The following RMND1 variants were observed in gnomAD, a reference collection of about 807,000 sequenced individuals.
RMND1 encodes the protein required for meiotic nuclear division 1 homolog, also known as required for meiotic nuclear division protein 1 homolog.
A neutral mutation model predicts 54.0 loss-of-function variants in RMND1; 41 were observed. That is an observed-to-expected ratio of 0.76 (90% CI 0.59 to 0.98). The LOEUF (loss-of-function observed/expected upper bound fraction) is 0.98. RMND1 is among the 50% of genes least tolerant of loss of function. The pLI, the probability that RMND1 is intolerant of heterozygous loss-of-function variation, is 0.00. For synonymous variants in RMND1, 183 were observed against 181.7 expected (o/e 1.01, Z -0.06); for missense variants, 457 against 532.0 (o/e 0.86, Z 1.39).
At chr6:151,440,004 G>C (rs1489249468) in intron 2 of RMND1, among the ~76,000 whole-genome samples, 2 of 151,876 alleles carry the variant, frequency 1.3e-5, no homozygotes, top group East Asian at 1.9e-4. Context: ...TCGCCCAGGC[G>C]TGAGGGCAGT....
At chr6:151,416,141 G>A (rs529852287) in intron 10 of RMND1, among the ~76,000 whole-genome samples, 79 of 151,846 alleles carry the variant, frequency 5.2e-4, no homozygotes, top group Non-Finnish European at 8.8e-4. Context: ...ACCACACCCA[G>A]CTAATTTTTG....
chr6:151,416,398 T>C (rs371033061), intron 10 of RMND1, among the ~76,000 whole-genome samples: 1 of 149,978 alleles, frequency 6.7e-6, no homozygotes, highest in African/African-American at 2.4e-5. Context: ...TTTCCCCATG[T>C]GGTCTACCTC....
chr6:151,432,849 A>C (rs1780486046), intron 4 of RMND1, among the ~76,000 whole-genome samples: 1 of 152,132 alleles, frequency 6.6e-6, no homozygotes, highest in Non-Finnish European at 1.5e-5. Context: ...AGGGGCACTA[A>C]AGATGAATGG....
intron 1 of RMND1, among the ~76,000 whole-genome samples, chr6:151,450,787 A>G (rs896083642): frequency 2.6e-5 from 4 of 152,132 alleles, no homozygotes; most frequent in African/African-American, 7.2e-5. Flanking sequence ...AAAGATTGAG[A>G]AATCGGATGG....
chr6:151,415,075 TTAGAAGA>T (rs1779962111), intron 10 of RMND1, among the ~76,000 whole-genome samples: 1 of 151,268 alleles, frequency 6.6e-6, no homozygotes, highest in Non-Finnish European at 1.5e-5. Flanking sequence ...AAAAGAAATC[TTAGAAGA>T]TCAGAAGGAG....
intron 6 of RMND1, among the ~76,000 whole-genome samples, chr6:151,425,294 C>G (rs1466967119): frequency 1.3e-5 from 2 of 152,038 alleles, no homozygotes; most frequent in Admixed American, 1.3e-4. Flanking sequence ...TGAGCAGATC[C>G]CTGGAATCAT....
rs931420651 is a variant in RMND1, at chr6:151,450,770, G to T, written c.-15+1246C>A. 2.6e-5 allele frequency among the ~76,000 whole-genome samples: 4 copies of T among 151,576 alleles called. No individual in the cohort carries two copies. The East Asian group carries it at 5.9e-4, about 22-fold the overall frequency. The stretch of plus-strand genomic sequence containing the variant: ...TTTGTGTAATAGAAAGGGGGGAAAG[G>T]GGGGGAAAAGATTGAGAAATCGGAT... On this transcript the variant is annotated intron_variant, in intron 1 of 11. Coordinates refer to ENST00000444024, the MANE Select transcript of RMND1 (RefSeq NM_017909.4).
chr6:151,433,346 G>T, intron 3 of RMND1, 116 bp from the exon 4 acceptor site: 1 of 571,974 alleles, frequency 1.7e-6, no homozygotes, highest in Non-Finnish European at 3.0e-6. Context: ...ACCATGGAGT[G>T]CTCTGTAACA....
In RMND1 at chr6:151,434,172, T is replaced by C. The variant is rs75426021; in HGVS notation, c.614-942A>G. 2.1e-3 allele frequency among the ~76,000 whole-genome samples: 324 copies of C among 152,316 alleles called. 2 individuals carry two copies. The highest frequency in any genetic ancestry group is 7.4e-3 in the African/African-American group (306 of 41,556). On this transcript the variant is annotated intron_variant, in intron 3 of 11. Coordinates refer to ENST00000444024, the MANE Select transcript of RMND1 (RefSeq NM_017909.4). ...AGTATTGTTAAAACATATACTAATA[T>C]ACCAATATTCATCATAAGAAGTTGC...
At chr6:151,428,919 T>C (rs772599130) in intron 5 of RMND1, among the ~76,000 whole-genome samples, 24 of 152,162 alleles carry the variant, frequency 1.6e-4, no homozygotes, top group Non-Finnish European at 3.2e-4. Flanking sequence ...TCTTAAGAAA[T>C]GGGGTTTATC....
At chr6:151,430,895 C>T (rs542867573) in intron 4 of RMND1, among the ~76,000 whole-genome samples, 7 of 149,962 alleles carry the variant, frequency 4.7e-5, no homozygotes, top group African/African-American at 1.0e-4. Flanking sequence ...AATGGCTCCA[C>T]GTTATTCTTG....
At chr6:151,417,597 TCTC>T (rs917408882) in intron 9 of RMND1, among the ~76,000 whole-genome samples, 198 bp from the exon 10 acceptor site, 4 of 152,020 alleles carry the variant, frequency 2.6e-5, no homozygotes, top group African/African-American at 7.2e-5. Flanking sequence ...CTCAAGCTGT[TCTC>T]CTGCCTCAGC....
In RMND1 at chr6:151,438,811, CA is replaced by C. The variant is rs202017877; in HGVS notation, c.505-2258del. ...TGTGTACTACTTTTTTTTTTTTTTCCAAAAAAAACCCAAAAACCTTGGCAAG... is the reference window on the plus strand; with the variant it reads ...TGTGTACTACTTTTTTTTTTTTTTCCAAAAAAACCCAAAAACCTTGGCAAG... On this transcript the variant is annotated intron_variant, in intron 2 of 11. Transcript: ENST00000444024. Among the ~76,000 whole-genome samples the C allele has an allele frequency of 7.9e-3, 1,169 of 147,842 alleles. 17 individuals are homozygous for C. Among genetic ancestry groups the C allele is most frequent in the African/African-American group, 0.028 (1,121 of 40,122 alleles).
chr6:151,405,385 T>G (rs1779577291), intron 11 of RMND1, 118 bp from the exon 12 acceptor site: 1 of 942,798 alleles, frequency 1.1e-6, no homozygotes, highest in South Asian at 1.5e-5. Context: ...TGTTTGCCCT[T>G]TCTCACGTGG....
chr6:151,428,306 C>CT (rs903599431), intron 5 of RMND1, among the ~76,000 whole-genome samples: 17 of 152,084 alleles, frequency 1.1e-4, no homozygotes, highest in African/African-American at 4.1e-4. Context: ...ATTTATGCTG[C>CT]TTTTTATGTA....
At chr6:151,439,788 T>C (rs1185513220) in intron 2 of RMND1, among the ~76,000 whole-genome samples, 1 of 152,122 alleles carries the variant, frequency 6.6e-6, no homozygotes, top group Non-Finnish European at 1.5e-5. Context: ...GCCTCTCGAG[T>C]TGCTGGGATC....
At chr6:151,430,250 T>A in intron 4 of RMND1, 73 bp from the exon 5 acceptor site, 1 of 1,067,256 alleles carries the variant, frequency 9.4e-7, no homozygotes, top group East Asian at 2.4e-5. Flanking sequence ...TATAAAACCA[T>A]GTAACTTCTA....
Position 151,449,294 on chromosome 6 carries a change from G to A in RMND1, c.-15+2722C>T, listed in dbSNP as rs142258464. 7.4e-3 allele frequency among the ~76,000 whole-genome samples: 1,122 copies of A among 151,042 alleles called. 13 individuals carry two copies. The highest frequency in any genetic ancestry group is 0.026 in the African/African-American group (1,049 of 41,090). On this transcript the variant is annotated intron_variant, in intron 1 of 11. Transcript: ENST00000444024. ...CAAGGCAGGAGAATCGCCTGAACCC[G>A]GGAGGTGGAGGTTGCAGTGAGCCGA...
chr6:151,417,726 T>C (rs1326935342), intron 9 of RMND1, among the ~76,000 whole-genome samples: 2 of 152,046 alleles, frequency 1.3e-5, no homozygotes, highest in South Asian at 2.1e-4. Context: ...TACAAATGAG[T>C]TTCAAACTTC....
Sources: gnomAD v4.1 joint callset for allele counts (sites outside exome capture counted in the v4.1 genomes callset) on GRCh38, gnomAD v4.1.1 for gene constraint, MANE v1.5 for transcripts, NCBI Gene and HGNC (gene_info 2026-07-23, HGNC 2026-07-21) for gene names.